Variants in GDF5 observed in about 807,000 individuals in gnomAD.
GDF5 encodes the protein growth differentiation factor 5.
Under a neutral mutation model 34.6 loss-of-function variants are expected in GDF5, and 17 were observed. The observed-to-expected ratio is 0.49, with a 90% CI of 0.34 to 0.74. The LOEUF (loss-of-function observed/expected upper bound fraction) is 0.74. Among genes scored for constraint, GDF5 ranks in the 30% least tolerant of loss-of-function variants. The pLI is 0.01. For synonymous variants in GDF5, 332 were observed against 290.7 expected, an observed-to-expected ratio of 1.14 and a Z score of -1.44; for missense variants, 616 against 661.2, an observed-to-expected ratio of 0.93 and a Z score of 0.75.
intron 1 of GDF5, among the ~76,000 whole-genome samples, chr20:35,445,795 C>A (rs746264713): frequency 1.7e-4 from 26 of 149,976 alleles, no homozygotes; most frequent in Non-Finnish European, 7.4e-5. Flanking sequence ...CATGGAGAAA[C>A]CCCCATCTCT....
intron 1 of GDF5, among the ~76,000 whole-genome samples, chr20:35,451,581 CCT>C (rs1491352504): frequency 7.0e-6 from 1 of 142,980 alleles, no homozygotes; most frequent in Non-Finnish European, 1.5e-5. Flanking sequence ...GTTTTTTTTT[CCT>C]TTTTTTTTTT....
In GDF5 at chr20:35,433,913, C is replaced by G. The variant is rs1440105473; in HGVS notation, c.1502G>C (p.Arg501Thr). 1 of 1,613,214 alleles carries G rather than the reference C, an allele frequency of 6.2e-7. No individual in the cohort carries two copies. Among genetic ancestry groups the G allele is most frequent in the African/African-American group, 1.3e-5 (1 of 74,922 alleles). ...EDMVVESCGC[R>T] ...GAAGACAGAGGGCCAGTGCTGCTAC[C>G]TGCAGCCACACGACTCCACGACCAT... The change falls in exon 2 of 2, where the codon AGG (arginine) becomes ACG (threonine). Residue 501 changes from arginine to threonine, a missense_variant. Arg to Thr is a moderately conservative substitution (Grantham distance 71, BLOSUM62 -1). Transcript: ENST00000374369.
At chr20:35,436,750 C>A (rs1004989896) in intron 1 of GDF5, among the ~76,000 whole-genome samples, 18 of 152,126 alleles carry the variant, frequency 1.2e-4, no homozygotes, top group African/African-American at 4.3e-4. Context: ...GGTCATACTG[C>A]GAGTTAGGCC....
At chr20:35,443,195 G>T (rs1173788471), upstream of GDF5, among the ~76,000 whole-genome samples, 1 of 152,166 alleles carries the variant, frequency 6.6e-6, no homozygotes, top group African/African-American at 2.4e-5. Context: ...CACTATAAAG[G>T]TGACTAATCA....
chr20:35,439,600 G>C (rs1193978720), upstream of GDF5, among the ~76,000 whole-genome samples: 1 of 152,158 alleles, frequency 6.6e-6, no homozygotes, highest in African/African-American at 2.4e-5. Flanking sequence ...GTTTCTTAAA[G>C]TGCCTCATTG....
chr20:35,447,472 T>C (rs2062517675), intron 1 of GDF5, among the ~76,000 whole-genome samples: 1 of 152,230 alleles, frequency 6.6e-6, no homozygotes, highest in East Asian at 1.9e-4. Flanking sequence ...TTCCCTGGGC[T>C]GCAAATACCT....
chr20:35,439,801 G>T (rs369053240), upstream of GDF5, among the ~76,000 whole-genome samples: 4 of 151,314 alleles, frequency 2.6e-5, no homozygotes, highest in African/African-American at 9.7e-5. Context: ...GCCTTTCCTC[G>T]TCCCCAGACA....
intron 1 of GDF5, among the ~76,000 whole-genome samples, chr20:35,452,554 C>T (rs1261591232): frequency 2.0e-5 from 3 of 152,158 alleles, no homozygotes; most frequent in African/African-American, 7.2e-5. Context: ...TCCCGAGTAG[C>T]TGGGATTACA....
intron 1 of GDF5, among the ~76,000 whole-genome samples, chr20:35,436,030 A>ATGTGTGTATAAACATAAGGCTATG (rs2062471379): frequency 6.6e-6 from 1 of 152,126 alleles, no homozygotes; most frequent in Admixed American, 6.5e-5. Flanking sequence ...GTGATTCAGC[A>ATGTGTGTATAAACATAAGGCTATG]TGTGTGTATA....
chr20:35,444,743 C>T (rs909313892), intron 1 of GDF5, among the ~76,000 whole-genome samples: 20 of 151,288 alleles, frequency 1.3e-4, no homozygotes, highest in African/African-American at 4.6e-4. Flanking sequence ...TACAGGTGCC[C>T]GTCACCATGC....
chr20:35,451,076 T>TATATATATATATATAC (rs2062531378), intron 1 of GDF5, among the ~76,000 whole-genome samples: 3 of 42,676 alleles, frequency 7.0e-5, no homozygotes, highest in African/African-American at 6.6e-4. Flanking sequence ...TATATATATA[T>TATATATATATATATAC]ATATATATAT....
intron 1 of GDF5, among the ~76,000 whole-genome samples, chr20:35,444,396 A>C (rs2062507633): frequency 6.6e-6 from 1 of 152,180 alleles, no homozygotes; most frequent in Admixed American, 6.5e-5. Flanking sequence ...TCTGGAGGAC[A>C]AGCATTCCAG....
chr20:35,434,097 G>C lies in GDF5; in HGVS notation c.1318C>G (p.His440Asp), dbSNP rs1313394085. Residue 440 changes from histidine to aspartate, a missense_variant, in exon 2 of 2, where the codon CAC becomes GAC. His to Asp is a moderately conservative substitution (Grantham distance 81, BLOSUM62 -1). Transcript: ENST00000374369. ...ACTGCATGATTCGTGGGCTCCAGGT[G>C]GGAGCGCAATGGGAACTCGCACAGC... ...EGLCEFPLRS[H>D]LEPTNHAVIQ... 7 of 1,613,936 alleles carry C rather than the reference G, an allele frequency of 4.3e-6. No individual in the cohort carries two copies. The highest frequency in any genetic ancestry group is 5.9e-6 in the Non-Finnish European group (7 of 1,179,914).
upstream of GDF5, chr20:35,441,456 T>G (rs75121250): frequency 1.8e-4 from 18 of 101,928 alleles, no homozygotes; most frequent in African/African-American, 8.5e-4. Flanking sequence ...AATGATAGCT[T>G]TTTTTTTTTT....
chr20:35,451,056 A>ATATATAT lies in GDF5; in HGVS notation c.-398+3583_-398+3584insATATATA, dbSNP rs2062530262. ...TTAGACTAACAGAAAAAAAAAAAAA[A>ATATATAT]AAAAAAAAATATATATATATATATA... On this transcript the variant is annotated intron_variant, in intron 1 of 3. Transcript: ENST00000374372. 4.2e-3 allele frequency among the ~76,000 whole-genome samples: 283 copies of ATATATAT among 66,912 alleles called. 4 individuals are homozygous for ATATATAT. The highest frequency in any genetic ancestry group is 9.8e-3 in the Middle Eastern group (1 of 102). The allele number at this position is 66,912 out of a possible 152,430, so 43.9% of individuals were successfully genotyped here. A position where few individuals can be genotyped will look rare whatever the true frequency, so the allele number is the denominator to read the frequency against.
rs190206261 is a variant in GDF5 at position 35,449,208 on chromosome 20, G to C, written c.-398+5432C>G. On this transcript the variant is annotated intron_variant, in intron 1 of 3. Coordinates refer to the GDF5 transcript ENST00000374372. ...GGTCTCAAACTCCTAAGCTCAAGAG[G>C]TTCTTCTGACTCAGCCTCTTGAGTG... 9.9e-5 allele frequency among the ~76,000 whole-genome samples: 15 copies of C among 152,190 alleles called. No individual in the cohort carries two copies. In the East Asian group the frequency reaches 2.9e-3, roughly 29 times the overall value.
upstream of GDF5, chr20:35,441,396 A>T (rs1387614296): frequency 1.3e-5 from 2 of 152,196 alleles, no homozygotes; most frequent in African/African-American, 2.4e-5. Flanking sequence ...TACTAAAAAA[A>T]TAAATAAAAT....
chr20:35,437,723 G>C lies in GDF5; in HGVS notation c.206C>G (p.Ala69Gly), dbSNP rs542574339. 6.8e-6 allele frequency: 11 copies of C among 1,613,350 alleles called. No homozygotes were observed. In the South Asian group the frequency reaches 1.2e-4, roughly 18 times the overall value. ...RPGGHSYGGGATNANARAKGG... is the reference protein window; with the variant it reads ...RPGGHSYGGGGTNANARAKGG... The stretch of plus-strand genomic sequence containing the variant: ...CTTTGCCCTGGCATTGGCATTGGTG[G>C]CCCCCCCACCATAGCTGTGACCCCC... The change falls in exon 1 of 2, where the codon GCC (alanine) becomes GGC (glycine). Residue 69 changes from alanine (A) to glycine (G), a missense_variant. Physicochemically the swap from Ala to Gly is moderately conservative, Grantham distance 60. Transcript: ENST00000374369.
intron 1 of GDF5, among the ~76,000 whole-genome samples, chr20:35,450,691 G>A (rs909816218): frequency 2.0e-5 from 3 of 151,966 alleles, no homozygotes; most frequent in Non-Finnish European, 4.4e-5. Flanking sequence ...CATTTGTCTA[G>A]CTTCTTGTTC....
Sources: gnomAD v4.1 joint callset for allele counts (sites outside exome capture counted in the v4.1 genomes callset) on GRCh38, gnomAD v4.1.1 for gene constraint, MANE v1.5 for transcripts, NCBI Gene and HGNC (gene_info 2026-07-23, HGNC 2026-07-21) for gene names.